The following PPP1R9A variants were observed in gnomAD, a reference collection of about 807,000 sequenced individuals.
PPP1R9A encodes neurabin-1.
Under a neutral mutation model 141.9 loss-of-function variants are expected in PPP1R9A, and 59 were observed. That is an observed-to-expected ratio of 0.42 (90% CI 0.34 to 0.52). The LOEUF is 0.52. Among genes scored for constraint, PPP1R9A ranks in the 20% least tolerant of loss-of-function variants. The pLI is 0.10. For missense variants in PPP1R9A, 1,444 were observed against 1,611.9 expected, an observed-to-expected ratio of 0.90 and a Z score of 1.78; for synonymous variants, 500 against 569.7, an observed-to-expected ratio of 0.88 and a Z score of 1.74.
At chr7:94,943,281 T>A (rs910318107) in intron 2 of PPP1R9A, among the ~76,000 whole-genome samples, 1 of 152,232 alleles carries the variant, frequency 6.6e-6, no homozygotes, top group African/African-American at 2.4e-5. Flanking sequence ...CTTTCTGTCA[T>A]TATTAAAGCT....
intron 2 of PPP1R9A, among the ~76,000 whole-genome samples, chr7:95,087,388 GTC>G (rs929114977): frequency 2.0e-5 from 3 of 151,944 alleles, no homozygotes; most frequent in African/African-American, 7.3e-5. Flanking sequence ...AGAAGTATTA[GTC>G]TCTATAATTT....
At chr7:95,281,652 T>C (rs961736803) in intron 16 of PPP1R9A, among the ~76,000 whole-genome samples, 2 of 152,220 alleles carry the variant, frequency 1.3e-5, no homozygotes, top group Non-Finnish European at 2.9e-5. Context: ...CCTTTTCAAC[T>C]AAAGCAATGG....
Position 95,130,911 on chromosome 7 carries a change from C to T in PPP1R9A, c.1649+10079C>T, listed in dbSNP as rs184623546. On this transcript the variant is annotated intron_variant, in intron 4 of 19. Coordinates refer to ENST00000433360, the MANE Select transcript of PPP1R9A (RefSeq NM_001166160.2). ...TACCCCCATTATATCAACTATCTAA[C>T]TTGCTTTTGATTTTACAGGCTCATA... 6.6e-5 allele frequency among the ~76,000 whole-genome samples: 10 copies of T among 152,288 alleles called. No homozygotes were observed. In the East Asian group the frequency reaches 1.4e-3, roughly 21 times the overall value.
intron 9 of PPP1R9A, 83 bp from the exon 10 acceptor site, chr7:95,249,943 G>T: frequency 2.1e-6 from 3 of 1,456,378 alleles, no homozygotes; most frequent in Non-Finnish European, 2.7e-6. Flanking sequence ...AATAGAACTT[G>T]ATCTACAACA....
intron 8 of PPP1R9A, among the ~76,000 whole-genome samples, chr7:95,240,685 A>G (rs1322134159): frequency 6.6e-6 from 1 of 152,120 alleles, no homozygotes; most frequent in African/African-American, 2.4e-5. Flanking sequence ...TAGCACTTCT[A>G]ACATGACTTA....
intron 5 of PPP1R9A, among the ~76,000 whole-genome samples, chr7:95,162,804 T>A (rs561121104): frequency 6.6e-5 from 10 of 152,324 alleles, no homozygotes; most frequent in African/African-American, 2.4e-4. Context: ...ATTATTGCAG[T>A]ATGTCTAATT....
At chr7:94,985,252 C>T (rs1800665492) in intron 2 of PPP1R9A, among the ~76,000 whole-genome samples, 1 of 151,792 alleles carries the variant, frequency 6.6e-6, no homozygotes, top group African/African-American at 2.4e-5. Context: ...ACTATGTGGT[C>T]AATTTTGGAA....
intron 8 of PPP1R9A, among the ~76,000 whole-genome samples, chr7:95,238,113 A>G (rs1211786335): frequency 6.6e-6 from 1 of 152,180 alleles, no homozygotes; most frequent in African/African-American, 2.4e-5. Context: ...TACCCATAGC[A>G]TACCATCCTC....
At chr7:95,072,758 TTAAA>T (rs1814078751) in intron 2 of PPP1R9A, among the ~76,000 whole-genome samples, 1 of 106,644 alleles carries the variant, frequency 9.4e-6, no homozygotes, top group Non-Finnish European at 1.8e-5. Flanking sequence ...TAATATTATA[TTAAA>T]TATATATATT....
chr7:94,938,161 GCTC>G (rs902592146), intron 2 of PPP1R9A, among the ~76,000 whole-genome samples: 5 of 152,132 alleles, frequency 3.3e-5, no homozygotes, highest in Non-Finnish European at 7.3e-5. Flanking sequence ...TACTGCCTGA[GCTC>G]CTTCTCTTGT....
At chr7:95,247,580 G>A in intron 9 of PPP1R9A, 54 bp downstream of exon 9, 1 of 1,387,552 alleles carries the variant, frequency 7.2e-7, no homozygotes, top group East Asian at 2.3e-5. Context: ...CAGATACTAT[G>A]AATAAATCCA....
chr7:95,165,856 T>C (rs1434546839), intron 5 of PPP1R9A, among the ~76,000 whole-genome samples: 1 of 152,052 alleles, frequency 6.6e-6, no homozygotes, highest in Non-Finnish European at 1.5e-5. Context: ...ATAAATGTTA[T>C]TGAAAATTGG....
chr7:95,103,463 G>A (rs1160624309), intron 2 of PPP1R9A, among the ~76,000 whole-genome samples: 1 of 148,254 alleles, frequency 6.7e-6, no homozygotes, highest in Admixed American at 6.9e-5. Context: ...CGCCTCCTGG[G>A]TTCATGCCAT....
intron 5 of PPP1R9A, among the ~76,000 whole-genome samples, chr7:95,170,903 G>A (rs541904547): frequency 4.6e-5 from 7 of 151,524 alleles, no homozygotes; most frequent in Non-Finnish European, 8.9e-5. Flanking sequence ...TTATAATATC[G>A]AGAAGTAAAA....
chr7:95,024,536 T>G (rs568234786), intron 2 of PPP1R9A, among the ~76,000 whole-genome samples: 1 of 152,326 alleles, frequency 6.6e-6, no homozygotes, highest in East Asian at 1.9e-4. Context: ...ATAATGCCTT[T>G]CTTTGTCTCA....
chr7:95,023,628 A>G (rs58822205), intron 2 of PPP1R9A, among the ~76,000 whole-genome samples: 55,479 of 151,866 alleles, frequency 0.37, 11,312 homozygotes, highest in Middle Eastern at 0.5. Flanking sequence ...ATCTTGGCTC[A>G]CTGCAAGCTC....
chr7:95,155,030 CATT>C (rs1325276259), intron 4 of PPP1R9A: 1 of 152,068 alleles, frequency 6.6e-6, no homozygotes, highest in Non-Finnish European at 1.5e-5. Context: ...TCATTATCAT[CATT>C]ATCATCTTCT....
At chr7:95,243,486 G>A (rs553602236) in intron 8 of PPP1R9A, among the ~76,000 whole-genome samples, 1 of 152,232 alleles carries the variant, frequency 6.6e-6, no homozygotes, top group African/African-American at 2.4e-5. Context: ...TGCATTCACT[G>A]TCAGAATGCT....
At chr7:95,248,382 AT>A (rs150891536) in intron 9 of PPP1R9A, among the ~76,000 whole-genome samples, 1 of 149,588 alleles carries the variant, frequency 6.7e-6, no homozygotes, top group East Asian at 2.0e-4. Context: ...TAGCAAGGCT[AT>A]TTTGGTTAAA....
Sources: gnomAD v4.1 joint callset for allele counts (sites outside exome capture counted in the v4.1 genomes callset) on GRCh38, gnomAD v4.1.1 for gene constraint, MANE v1.5 for transcripts, NCBI Gene and HGNC (gene_info 2026-07-23, HGNC 2026-07-21) for gene names.